Variants in CSNK2A2IP observed in about 807,000 individuals in gnomAD.
CSNK2A2IP encodes casein kinase II subunit alpha'-interacting protein.
the CSNK2A2IP span, among the ~76,000 whole-genome samples, chr3:88,360,050 G>A: frequency 6.6e-6 from 1 of 151,656 alleles, no homozygotes; most frequent in African/African-American, 2.4e-5. Context: ...AGTGTTGGGT[G>A]TATATATATT....
the CSNK2A2IP span, among the ~76,000 whole-genome samples, chr3:88,354,890 T>A: frequency 4.1e-4 from 63 of 152,216 alleles, 1 homozygote; most frequent in Middle Eastern, 3.4e-3. Flanking sequence ...ATGTCAAGGC[T>A]AGGAATGGAA....
At chr3:88,423,113 T>A in the CSNK2A2IP span, among the ~76,000 whole-genome samples, 7 of 152,188 alleles carry the variant, frequency 4.6e-5, no homozygotes, top group Admixed American at 1.3e-4. Context: ...GAGGTTTTCT[T>A]AGATGTTATG....
chr3:88,357,451 G>T, the CSNK2A2IP span, among the ~76,000 whole-genome samples: 1 of 152,044 alleles, frequency 6.6e-6, no homozygotes, highest in Admixed American at 6.6e-5. Flanking sequence ...GTCTGCTTTT[G>T]TGCCAGTATA....
At chr3:88,344,781 A>G in the CSNK2A2IP span, among the ~76,000 whole-genome samples, 1 of 151,958 alleles carries the variant, frequency 6.6e-6, no homozygotes, top group Non-Finnish European at 1.5e-5. Context: ...ATTATACAGT[A>G]AGTCTTAGGT....
the CSNK2A2IP span, chr3:88,466,895 G>T: frequency 8.2e-7 from 1 of 1,225,992 alleles, no homozygotes; most frequent in Non-Finnish European, 1.0e-6. Flanking sequence ...AATTCTGAGG[G>T]CAAAATAGAA....
the CSNK2A2IP span, among the ~76,000 whole-genome samples, chr3:88,429,909 C>A: frequency 7.4e-5 from 10 of 135,316 alleles, no homozygotes; most frequent in East Asian, 6.8e-4. Flanking sequence ...CCCGCCACCA[C>A]GCCAGGCTAA....
the CSNK2A2IP span, among the ~76,000 whole-genome samples, chr3:88,360,475 A>T: frequency 6.6e-6 from 1 of 151,766 alleles, no homozygotes; most frequent in Non-Finnish European, 1.5e-5. Flanking sequence ...ATGTAAGTAT[A>T]GTTACTTATG....
At chr3:88,403,881 T>C in the CSNK2A2IP span, among the ~76,000 whole-genome samples, 7 of 152,204 alleles carry the variant, frequency 4.6e-5, no homozygotes, top group South Asian at 2.1e-4. Flanking sequence ...AATCTGGAAA[T>C]TGATACTTGC....
At chr3:88,401,449 T>C in the CSNK2A2IP span, among the ~76,000 whole-genome samples, 1 of 152,110 alleles carries the variant, frequency 6.6e-6, no homozygotes, top group African/African-American at 2.4e-5. Context: ...TGGTATCTTA[T>C]AGAAATTTTC....
At chr3:88,342,393 A>G in the CSNK2A2IP span, among the ~76,000 whole-genome samples, 1 of 152,086 alleles carries the variant, frequency 6.6e-6, no homozygotes, top group East Asian at 1.9e-4. Context: ...ACCATGTTCA[A>G]ATAAGGCAAA....
the CSNK2A2IP span, among the ~76,000 whole-genome samples, chr3:88,352,673 G>A: frequency 2.0e-5 from 3 of 152,070 alleles, no homozygotes; most frequent in South Asian, 2.1e-4. Flanking sequence ...CAACCTCCCA[G>A]GCTCTAATGA....
the CSNK2A2IP span, among the ~76,000 whole-genome samples, chr3:88,372,982 GAAGA>G: frequency 6.6e-6 from 1 of 151,340 alleles, no homozygotes; most frequent in African/African-American, 2.4e-5. Flanking sequence ...CAAAATACTT[GAAGA>G]AAAACTTGGA....
At chr3:88,419,067 C>G in the CSNK2A2IP span, among the ~76,000 whole-genome samples, 1 of 152,280 alleles carries the variant, frequency 6.6e-6, no homozygotes, top group Non-Finnish European at 1.5e-5. Context: ...CCATCACCCC[C>G]AGATGGGACT....
chr3:88,339,010 C>A, the CSNK2A2IP span, among the ~76,000 whole-genome samples: 4 of 151,860 alleles, frequency 2.6e-5, no homozygotes, highest in African/African-American at 9.7e-5. Flanking sequence ...ATGTTCAAAC[C>A]AGGGTAATTG....
chr3:88,346,866 G>A, the CSNK2A2IP span, among the ~76,000 whole-genome samples: 5 of 151,826 alleles, frequency 3.3e-5, no homozygotes, highest in Non-Finnish European at 7.4e-5. Context: ...GGCTATAGCT[G>A]CCATAGATAG....
the CSNK2A2IP span, among the ~76,000 whole-genome samples, chr3:88,343,661 G>A: frequency 3.3e-5 from 5 of 151,830 alleles, no homozygotes; most frequent in Admixed American, 2.0e-4. Flanking sequence ...AAGTACATAA[G>A]GTTAGTGATA....
the CSNK2A2IP span, among the ~76,000 whole-genome samples, chr3:88,344,927 T>G: frequency 2.6e-5 from 4 of 152,126 alleles, no homozygotes; most frequent in African/African-American, 9.6e-5. Flanking sequence ...GGTTTCCTTT[T>G]GAATATCATG....
At chr3:88,446,087 TTTCTTTCTTTC>T in the CSNK2A2IP span, among the ~76,000 whole-genome samples, 3 of 138,272 alleles carry the variant, frequency 2.2e-5, no homozygotes, top group Non-Finnish European at 4.8e-5. Flanking sequence ...TCTTTCTTTC[TTTCTTTCTTTC>T]TTTTTTTCTT....
the CSNK2A2IP span, among the ~76,000 whole-genome samples, chr3:88,424,264 A>G: frequency 6.2e-4 from 94 of 152,326 alleles, no homozygotes; most frequent in Non-Finnish European, 1.1e-3. Flanking sequence ...TTGGCATAGC[A>G]TTAGTTGGCC....
Sources: gnomAD v4.1 joint callset for allele counts (sites outside exome capture counted in the v4.1 genomes callset) on GRCh38, gnomAD v4.1.1 for gene constraint, MANE v1.5 for transcripts, NCBI Gene and HGNC (gene_info 2026-07-23, HGNC 2026-07-21) for gene names.